PRKN: variants seen among roughly 807,000 people sequenced by gnomAD.
PRKN encodes parkin RBR E3 ubiquitin protein ligase.
In PRKN, 56 loss-of-function variants were observed where a neutral mutation model predicts 59.5. The ratio of observed to expected loss-of-function variants is 0.94; its 90% confidence interval spans 0.76 to 1.18. The LOEUF is 1.18. Among genes scored for constraint, PRKN ranks in the 50% most tolerant of loss-of-function variants. PRKN has a pLI of 0.00. For synonymous variants in PRKN, 250 were observed against 222.1 expected, an observed-to-expected ratio of 1.13 and a Z score of -1.12; for missense variants, 657 against 596.4, an observed-to-expected ratio of 1.10 and a Z score of -1.06.
intron 4 of PRKN, among the ~76,000 whole-genome samples, chr6:162,168,995 C>G (rs1197692985): frequency 6.6e-6 from 1 of 152,082 alleles, no homozygotes; most frequent in Non-Finnish European, 1.5e-5. Context: ...CGGCCAGATT[C>G]CTAAATTTTA....
chr6:162,107,910 T>C (rs1484042769), intron 4 of PRKN, among the ~76,000 whole-genome samples: 1 of 152,094 alleles, frequency 6.6e-6, no homozygotes, highest in Non-Finnish European at 1.5e-5. Flanking sequence ...GAATCTAAGT[T>C]CCAAGCCCAA....
chr6:161,374,278 G>A (rs1167167890), intron 10 of PRKN, among the ~76,000 whole-genome samples: 1 of 151,624 alleles, frequency 6.6e-6, no homozygotes, highest in Non-Finnish European at 1.5e-5. Context: ...TGTGTGGTGT[G>A]TATGTATGTG....
At chr6:162,574,772 T>A (rs1780493197) in intron 1 of PRKN, among the ~76,000 whole-genome samples, 1 of 152,008 alleles carries the variant, frequency 6.6e-6, no homozygotes, top group African/African-American at 2.4e-5. Context: ...AAGTTGTTTT[T>A]TTTTTTTGCT....
intron 6 of PRKN, among the ~76,000 whole-genome samples, chr6:161,955,071 A>C (rs1345470799): frequency 6.6e-6 from 1 of 152,216 alleles, no homozygotes; most frequent in Admixed American, 6.5e-5. Flanking sequence ...GCAGTCTCGG[A>C]GGAAGTCATC....
intron 8 of PRKN, among the ~76,000 whole-genome samples, chr6:161,555,461 A>G (rs1255901510): frequency 1.3e-5 from 2 of 152,206 alleles, no homozygotes; most frequent in Non-Finnish European, 2.9e-5. Flanking sequence ...AAATTTTACA[A>G]AGAGGTAGGA....
intron 3 of PRKN, among the ~76,000 whole-genome samples, chr6:162,231,737 T>C (rs1026149520): frequency 1.3e-5 from 2 of 152,058 alleles, no homozygotes; most frequent in Admixed American, 6.5e-5. Flanking sequence ...AATTAGAGAG[T>C]TACCTATTCA....
At chr6:161,606,757 C>A (rs1413030535) in intron 7 of PRKN, among the ~76,000 whole-genome samples, 1 of 152,096 alleles carries the variant, frequency 6.6e-6, no homozygotes, top group Non-Finnish European at 1.5e-5. Context: ...AGGTCCCTGG[C>A]AAATTCAGAG....
chr6:162,374,535 ATTTG>A (rs199642049), intron 2 of PRKN, among the ~76,000 whole-genome samples: 1,723 of 151,330 alleles, frequency 0.011, 31 homozygotes, highest in African/African-American at 0.037. Flanking sequence ...TTATTTATTT[ATTTG>A]TTTGTTTGTT....
rs142383136 is a variant in PRKN, at chr6:162,054,158, T to A, written c.551A>T (p.Asp184Val). 1.8e-5 allele frequency: 29 copies of A among 1,612,498 alleles called. No homozygotes were observed. The highest frequency in any genetic ancestry group is 5.0e-5 in the Admixed American group (3 of 59,984). The change falls in exon 5 of 12, where the codon GAT becomes GTT. Residue 184 changes from aspartate to valine, a missense_variant. Transcript: ENST00000366898. The stretch of plus-strand genomic sequence containing the variant: ...CATCCGGTTTGGAATTAAAACATCA[T>A]CCCAGCAAGATGGACCCTTTGGGAA... ...LTLTQGPSCW[D>V]DVLIPNRMSG...
At chr6:161,726,590 G>A (rs999528157) in intron 7 of PRKN, among the ~76,000 whole-genome samples, 7 of 152,164 alleles carry the variant, frequency 4.6e-5, no homozygotes, top group Non-Finnish European at 1.0e-4. Context: ...TCATTTATGA[G>A]TAATTGATTT....
At chr6:162,727,542 C>A (rs1036584200) in intron 1 of PRKN, 120 bp downstream of exon 1, 2 of 1,124,836 alleles carry the variant, frequency 1.8e-6, no homozygotes, top group East Asian at 2.7e-5. Flanking sequence ...ACGGCACGGG[C>A]ACTTTGGCCC....
chr6:161,755,653 A>C (rs1246096369), intron 7 of PRKN, among the ~76,000 whole-genome samples: 4 of 152,172 alleles, frequency 2.6e-5, no homozygotes, highest in Admixed American at 1.3e-4. Flanking sequence ...ATTATGAAAC[A>C]GTGCAAAATG....
At chr6:162,702,865 T>C (rs1420862160) in intron 1 of PRKN, among the ~76,000 whole-genome samples, 1 of 152,172 alleles carries the variant, frequency 6.6e-6, no homozygotes, top group Non-Finnish European at 1.5e-5. Flanking sequence ...AATGAATCAG[T>C]GTCAGAGAAA....
chr6:162,203,159 T>C (rs1161534874), intron 3 of PRKN, among the ~76,000 whole-genome samples: 1 of 152,156 alleles, frequency 6.6e-6, no homozygotes, highest in East Asian at 1.9e-4. Context: ...TAGTGATGTT[T>C]GCAATATTGT....
chr6:161,805,454 A>ATG (rs1791270618), intron 6 of PRKN, among the ~76,000 whole-genome samples: 2 of 19,038 alleles, frequency 1.1e-4, no homozygotes, highest in Non-Finnish European at 4.4e-4. Flanking sequence ...ACACACATGC[A>ATG]CACACACACA....
intron 6 of PRKN, among the ~76,000 whole-genome samples, chr6:161,946,839 G>C (rs1201332361): frequency 6.6e-6 from 1 of 152,188 alleles, no homozygotes; most frequent in East Asian, 1.9e-4. Context: ...ACAATGGAAT[G>C]TATACTCTGC....
chr6:161,818,555 A>G (rs1297344460), intron 6 of PRKN, among the ~76,000 whole-genome samples: 1 of 151,946 alleles, frequency 6.6e-6, no homozygotes, highest in Non-Finnish European at 1.5e-5. Context: ...GCTGATCACC[A>G]ACACCTGGAC....
chr6:162,569,011 A>T (rs1780203375), intron 1 of PRKN: 1 of 691,894 alleles, frequency 1.4e-6, no homozygotes, highest in Non-Finnish European at 2.6e-6. Flanking sequence ...GAGACCTTGG[A>T]GCTGCAGTCC....
chr6:162,132,055 G>C (rs1329998636), intron 4 of PRKN, among the ~76,000 whole-genome samples: 1 of 152,180 alleles, frequency 6.6e-6, no homozygotes, highest in African/African-American at 2.4e-5. Context: ...CATAGAGCTG[G>C]GTTTTGTTAC....
Sources: gnomAD v4.1 joint callset for allele counts (sites outside exome capture counted in the v4.1 genomes callset) on GRCh38, gnomAD v4.1.1 for gene constraint, MANE v1.5 for transcripts, NCBI Gene and HGNC (gene_info 2026-07-23, HGNC 2026-07-21) for gene names.